Variants in EIF4G3 observed in about 807,000 individuals in gnomAD.
EIF4G3 encodes eIF-4-gamma 3.
In EIF4G3, 34 loss-of-function variants were observed where a neutral mutation model predicts 186.4. The ratio of observed to expected loss-of-function variants is 0.18; its 90% confidence interval spans 0.14 to 0.24. The LOEUF (loss-of-function observed/expected upper bound fraction) is 0.24. Ranked by LOEUF, EIF4G3 falls within the 10% of genes least tolerant of loss-of-function variation. EIF4G3 has a pLI of 1.00. For missense variants in EIF4G3, 1,536 were observed against 1,948.5 expected (o/e 0.79, Z 3.99); for synonymous variants, 673 against 679.5 (o/e 0.99, Z 0.15).
chr1:20,881,786 T>C (rs1040804681), intron 19 of EIF4G3, among the ~76,000 whole-genome samples: 1 of 150,512 alleles, frequency 6.6e-6, no homozygotes, highest in Non-Finnish European at 1.5e-5. Flanking sequence ...AGACCCTGTC[T>C]CAAAAAATAA....
intron 3 of EIF4G3, among the ~76,000 whole-genome samples, chr1:21,062,600 TA>T (rs547152606): frequency 1.1e-3 from 164 of 152,284 alleles, no homozygotes; most frequent in African/African-American, 3.5e-3. Context: ...TAGATATACC[TA>T]TTTTTTTGAG....
rs189805983 is a variant in EIF4G3, at chr1:20,938,258, G to A, written c.1663+3233C>T. Among the ~76,000 whole-genome samples, 106 of 152,254 alleles carry A rather than the reference G, an allele frequency of 7.0e-4. 1 individual carries two copies. The East Asian group carries it at 0.015, about 22-fold the overall frequency. On this transcript the variant is annotated intron_variant, in intron 14 of 36. Transcript: ENST00000602326. ...GATCCACCCTCCTCAGCCTCCCAAAGTGCTGGGATTACAGGCATGAGCCAC... is the reference window on the plus strand; with the variant it reads ...GATCCACCCTCCTCAGCCTCCCAAAATGCTGGGATTACAGGCATGAGCCAC...
At position 21,098,964 on chromosome 1, in the gene EIF4G3, G is replaced by A. The variant is rs907659568; in HGVS notation, c.-271-9751C>T. 9.3e-4 allele frequency among the ~76,000 whole-genome samples: 142 copies of A among 152,192 alleles called. 1 individual carries two copies. Among genetic ancestry groups the A allele is most frequent in the Non-Finnish European group, 4.3e-4 (29 of 68,012 alleles). On this transcript the variant is annotated intron_variant, in intron 2 of 36. Coordinates refer to ENST00000602326, the MANE Select transcript of EIF4G3 (RefSeq NM_001391906.1). ...AAATGGGGAAAAGTTTTAAATGAAT[G>A]ACACCTAATCAAAGAAAATATACAC...
intron 19 of EIF4G3, among the ~76,000 whole-genome samples, chr1:20,882,592 G>C (rs1337690207): frequency 6.6e-6 from 1 of 150,842 alleles, no homozygotes; most frequent in Non-Finnish European, 1.5e-5. Flanking sequence ...CTGTACTCCA[G>C]CCAGGGCGAC....
chr1:20,823,681 T>G (rs1057255836), intron 33 of EIF4G3, among the ~76,000 whole-genome samples: 2 of 152,144 alleles, frequency 1.3e-5, no homozygotes, highest in African/African-American at 4.8e-5. Context: ...AACCTTTTCT[T>G]TTCTTTTCAA....
chr1:21,043,899 A>AAGAG (rs149014279), intron 4 of EIF4G3, among the ~76,000 whole-genome samples: 2 of 151,006 alleles, frequency 1.3e-5, no homozygotes, highest in South Asian at 2.1e-4. Context: ...GATGGAAAGA[A>AAGAG]AGAGAGAGAG....
At position 20,853,557 on chromosome 1, in the gene EIF4G3, C is replaced by T; in HGVS notation, c.3551+3G>A. 6.2e-7 allele frequency: 1 copy of T among 1,602,672 alleles called. No individual in the cohort carries two copies. ...GAGTAGACATAAAAAGCAGGGTTCT[C>T]ACCTAGTTAAGGTCCTTCGGGAATC... On this transcript the variant is annotated splice_donor_region_variant and intron_variant, in intron 27 of 36. Coordinates refer to ENST00000602326, the MANE Select transcript of EIF4G3 (RefSeq NM_001391906.1).
At chr1:21,113,893 G>C (rs1289885036) in intron 2 of EIF4G3, among the ~76,000 whole-genome samples, 1 of 152,152 alleles carries the variant, frequency 6.6e-6, no homozygotes, top group Non-Finnish European at 1.5e-5. Context: ...GCACATGCCT[G>C]TATTCCCAGC....
At position 21,153,767 on chromosome 1, in the gene EIF4G3, G is replaced by A. The variant is rs138807762; in HGVS notation, c.-272+22408C>T. On this transcript the variant is annotated intron_variant, in intron 2 of 36. Transcript: ENST00000602326. The stretch of plus-strand genomic sequence containing the variant: ...TTTAGTAGAGACTGGATTTCACCAT[G>A]TTGGCCAGGCTGGTCTCGAACTCCT... Among the ~76,000 whole-genome samples, 456 of 152,106 alleles carry A rather than the reference G, an allele frequency of 3.0e-3. 2 individuals are homozygous for A. Among genetic ancestry groups the A allele is most frequent in the Non-Finnish European group, 5.2e-3 (357 of 68,010 alleles).
chr1:21,073,506 G>T, intron 3 of EIF4G3: 1 of 323,688 alleles, frequency 3.1e-6, no homozygotes, highest in South Asian at 2.6e-5. Flanking sequence ...GAAGGTTTAT[G>T]CTCTTCCTCT....
At chr1:21,117,062 T>C (rs2102290289) in intron 2 of EIF4G3, among the ~76,000 whole-genome samples, 2 of 152,268 alleles carry the variant, frequency 1.3e-5, no homozygotes, top group South Asian at 4.1e-4. Flanking sequence ...ATGTAATATC[T>C]ATTAAATAAT....
chr1:20,849,173 T>C (rs894140317), intron 29 of EIF4G3, among the ~76,000 whole-genome samples: 6 of 150,952 alleles, frequency 4.0e-5, no homozygotes, highest in Non-Finnish European at 4.4e-5. Context: ...TTTCCCTTAG[T>C]GGGGATGGAT....
chr1:20,960,466 T>C (rs2096546798), intron 12 of EIF4G3, among the ~76,000 whole-genome samples: 2 of 149,336 alleles, frequency 1.3e-5, no homozygotes, highest in South Asian at 4.3e-4. Flanking sequence ...TGTTTCAAAA[T>C]AAAAAAAAAA....
chr1:21,117,944 T>C (rs1197214808), intron 2 of EIF4G3, among the ~76,000 whole-genome samples: 1 of 152,042 alleles, frequency 6.6e-6, no homozygotes, highest in Non-Finnish European at 1.5e-5. Flanking sequence ...TTATACTACA[T>C]TTCAATTTAC....
At chr1:21,050,051 A>G (rs1220731758) in intron 4 of EIF4G3, among the ~76,000 whole-genome samples, 2 of 152,208 alleles carry the variant, frequency 1.3e-5, no homozygotes, top group Non-Finnish European at 2.9e-5. Context: ...TGGAGGCTAA[A>G]ATCACAAATA....
Position 20,941,732 on chromosome 1 carries a change from A to G in EIF4G3, c.1422T>C (p.Pro474=), listed in dbSNP as rs2095723309. ...GAGGAGGAGAAGCTGGAGGAGTTGG[A>G]GGAGTTGGAGGAAAGGAAGGAACTG... The part of the protein sequence containing the change: ...PSTVPSFPPT[P]PTPPASPPHT... The change falls in exon 14 of 37, where the codon CCT becomes CCC. Residue 474 remains proline, a synonymous_variant. Transcript: ENST00000602326. The G allele has an allele frequency of 6.2e-7, 1 of 1,610,524 alleles. No homozygotes were observed.
intron 13 of EIF4G3, among the ~76,000 whole-genome samples, chr1:20,945,543 G>A (rs944050236): frequency 1.1e-4 from 16 of 152,090 alleles, no homozygotes; most frequent in Non-Finnish European, 1.9e-4. Context: ...TCAGCTCACC[G>A]TGACCTCCAC....
chr1:20,815,553 C>T (rs1396455318), intron 34 of EIF4G3, among the ~76,000 whole-genome samples: 1 of 152,028 alleles, frequency 6.6e-6, no homozygotes, highest in Non-Finnish European at 1.5e-5. Flanking sequence ...GGCAACCGCC[C>T]CGTCTGAGAA....
chr1:20,982,201 T>C (rs2078440570), intron 8 of EIF4G3, among the ~76,000 whole-genome samples, 187 bp downstream of exon 8: 1 of 152,116 alleles, frequency 6.6e-6, no homozygotes, highest in Non-Finnish European at 1.5e-5. Flanking sequence ...ATCAGCAGAG[T>C]TCAAATTTCT....
Sources: allele counts gnomAD v4.1 joint callset (sites outside exome capture counted in the v4.1 genomes callset), GRCh38; gene constraint gnomAD v4.1.1; transcripts MANE v1.5; gene names NCBI Gene and HGNC (gene_info 2026-07-23, HGNC 2026-07-21).